Variants in HSF5 observed in about 807,000 individuals in gnomAD.
HSF5 encodes heat shock factor protein 5.
Under a neutral mutation model 50.8 loss-of-function variants are expected in HSF5, and 5 were observed. The observed-to-expected ratio is 0.10, with a 90% confidence interval of 0.05 to 0.21. HSF5 has a LOEUF of 0.21. Ranked by LOEUF, HSF5 falls within the 10% of genes least tolerant of loss-of-function variation. The pLI is 1.00. For synonymous variants in HSF5, 307 were observed against 307.4 expected, an observed-to-expected ratio of 1.00 and a Z score of 0.02; for missense variants, 564 against 762.6, an observed-to-expected ratio of 0.74 and a Z score of 3.07.
chr17:58,452,889 G>T (rs1024775218), intron 5 of HSF5, among the ~76,000 whole-genome samples: 3 of 151,858 alleles, frequency 2.0e-5, no homozygotes, highest in African/African-American at 7.3e-5. Context: ...AAAAAAAATA[G>T]CTGGGAATGG....
chr17:58,448,349 C>T (rs976886246), intron 5 of HSF5, among the ~76,000 whole-genome samples: 1 of 151,880 alleles, frequency 6.6e-6, no homozygotes, highest in African/African-American at 2.4e-5. Flanking sequence ...ACTTTCTAAA[C>T]CTAGAGAAAG....
chr17:58,481,011 T>C (rs1415069872), intron 1 of HSF5, among the ~76,000 whole-genome samples: 2 of 152,202 alleles, frequency 1.3e-5, no homozygotes, highest in East Asian at 3.8e-4. Flanking sequence ...CTGGAACTCC[T>C]GGGCTCAAGC....
rs117066264 is a variant in HSF5 at position 58,434,956 on chromosome 17, T to C, written c.1721-12526A>G. ...ACACCAAAGGGGACAGGATTCTGTA[T>C]ACAAATGAAAGGACTGGCCCTTTTC... is the stretch of plus-strand genomic sequence containing the variant. On this transcript the variant is annotated intron_variant, in intron 5 of 5. Coordinates refer to ENST00000323777, the MANE Select transcript of HSF5 (RefSeq NM_001080439.3). 1.1e-3 allele frequency among the ~76,000 whole-genome samples: 169 copies of C among 152,334 alleles called. 1 individual carries two copies. In the East Asian group the frequency reaches 0.016, roughly 15 times the overall value.
Position 58,462,904 on chromosome 17 carries a change from T to C in HSF5, c.1420A>G (p.Thr474Ala). Residue 474 changes from threonine (T) to alanine (A), a missense_variant, in exon 4 of 6, where the codon ACA becomes GCA. Thr to Ala is a moderately conservative substitution (Grantham distance 58). Transcript: ENST00000323777. ...TGGATGGCTGCAGATTCCTGTATTG[T>C]GCTATTTTCAACAGGCTGAGCTGTG... ...IHTAQPVENS[T>A]IQESAAIQQA... is the part of the protein sequence containing the mutation. 6.2e-7 allele frequency: 1 copy of C among 1,614,164 alleles called. No individual in the cohort carries two copies. Among genetic ancestry groups the C allele is most frequent in the South Asian group, 1.1e-5 (1 of 91,080 alleles).
At chr17:58,474,663 T>C (rs878958437) in intron 2 of HSF5, among the ~76,000 whole-genome samples, 5 of 152,176 alleles carry the variant, frequency 3.3e-5, no homozygotes, top group Non-Finnish European at 7.4e-5. Context: ...AACTATAACA[T>C]TTGTAGTGGT....
At chr17:58,462,110 C>T (rs1222246287) in intron 4 of HSF5, among the ~76,000 whole-genome samples, 1 of 152,116 alleles carries the variant, frequency 6.6e-6, no homozygotes, top group East Asian at 1.9e-4. Context: ...ATTTAGCTTC[C>T]TCTTATAAAA....
intron 5 of HSF5, among the ~76,000 whole-genome samples, chr17:58,428,327 G>A (rs1185365515): frequency 6.6e-6 from 1 of 152,146 alleles, no homozygotes; most frequent in African/African-American, 2.4e-5. Flanking sequence ...TGGCAAACGA[G>A]CTCATGAAAG....
intron 5 of HSF5, among the ~76,000 whole-genome samples, chr17:58,427,223 C>T (rs190563749): frequency 4.1e-4 from 62 of 152,172 alleles, no homozygotes; most frequent in Non-Finnish European, 7.2e-4. Context: ...GCTGATCACA[C>T]CACTGCACTC....
In HSF5 at chr17:58,479,836, T is replaced by C. The variant is rs184255672; in HGVS notation, c.925+57A>G. 175 of 1,430,562 alleles carry C rather than the reference T, an allele frequency of 1.2e-4. 2 individuals carry two copies. The highest frequency in any genetic ancestry group is 4.3e-4 in the African/African-American group (30 of 70,380). 88.6% of individuals were successfully genotyped at this position (1,430,562 alleles called of 1,614,324 possible). A position where few individuals can be genotyped will look rare whatever the true frequency, so the allele number is the denominator to read the frequency against. ...CATTAAAATGCATTTAAAATATATA[T>C]ATATGCTCATTATAAACAACCTTAA... On this transcript the variant is annotated intron_variant, in intron 2 of 5. Coordinates refer to ENST00000323777, the MANE Select transcript of HSF5 (RefSeq NM_001080439.3).
At chr17:58,467,045 C>G in intron 2 of HSF5, 66 bp from the exon 3 acceptor site, 1 of 1,013,312 alleles carries the variant, frequency 9.9e-7, no homozygotes, top group Non-Finnish European at 1.5e-6. Context: ...TCAAGGAGCT[C>G]CCCTCTTTCA....
chr17:58,422,549 A>G (rs1034047827), intron 5 of HSF5, 119 bp from the exon 6 acceptor site: 2 of 668,500 alleles, frequency 3.0e-6, no homozygotes, highest in Non-Finnish European at 5.1e-6. Flanking sequence ...CTAAAATTGT[A>G]TAGTCCCATC....
intron 4 of HSF5, among the ~76,000 whole-genome samples, chr17:58,459,808 T>C (rs889324880): frequency 3.9e-5 from 6 of 152,090 alleles, no homozygotes; most frequent in Admixed American, 6.6e-5. Flanking sequence ...AGTTTCACCA[T>C]GATTGGTTAA....
intron 5 of HSF5, among the ~76,000 whole-genome samples, chr17:58,447,090 A>G (rs567752689): frequency 2.2e-4 from 34 of 152,144 alleles, no homozygotes; most frequent in African/African-American, 7.7e-4. Flanking sequence ...GTGCCACTGC[A>G]CTCTAGCCTG....
At chr17:58,442,724 G>C (rs1425254443) in intron 5 of HSF5, among the ~76,000 whole-genome samples, 1 of 151,848 alleles carries the variant, frequency 6.6e-6, no homozygotes, top group Non-Finnish European at 1.5e-5. Context: ...GACTTAGTTA[G>C]TCCTTTAATT....
intron 4 of HSF5, among the ~76,000 whole-genome samples, chr17:58,461,135 A>G (rs957640592): frequency 2.0e-5 from 3 of 151,722 alleles, no homozygotes; most frequent in African/African-American, 7.3e-5. Flanking sequence ...GATTCCTTGA[A>G]CCCAGGAGGT....
intron 3 of HSF5, among the ~76,000 whole-genome samples, chr17:58,466,290 C>A (rs754492460): frequency 6.6e-6 from 1 of 152,130 alleles, no homozygotes; most frequent in Non-Finnish European, 1.5e-5. Context: ...CATTTTTCTC[C>A]TTTCTCCTTA....
At chr17:58,433,068 C>T (rs1974384739) in intron 5 of HSF5, among the ~76,000 whole-genome samples, 1 of 152,164 alleles carries the variant, frequency 6.6e-6, no homozygotes, top group South Asian at 2.1e-4. Context: ...GGCTGGAGTG[C>T]AGTGGCACAA....
intron 2 of HSF5, among the ~76,000 whole-genome samples, chr17:58,469,214 A>G (rs1974912530): frequency 6.6e-6 from 1 of 152,262 alleles, no homozygotes; most frequent in Middle Eastern, 3.4e-3. Flanking sequence ...GGTACCAAAA[A>G]GCTGTGTTTC....
chr17:58,462,529 C>T (rs2531729), intron 4 of HSF5, among the ~76,000 whole-genome samples: 97,151 of 152,000 alleles, frequency 0.64, 31,411 homozygotes, highest in African/African-American at 0.72. Context: ...CATACTACAA[C>T]GCTCAATTAG....
Sources: gnomAD v4.1 joint callset for allele counts (sites outside exome capture counted in the v4.1 genomes callset) on GRCh38, gnomAD v4.1.1 for gene constraint, MANE v1.5 for transcripts, NCBI Gene and HGNC (gene_info 2026-07-23, HGNC 2026-07-21) for gene names.